ADAM18: variants seen among roughly 807,000 people sequenced by gnomAD.
ADAM18 encodes the protein ADAM metallopeptidase domain 18.
A neutral mutation model predicts 94.4 loss-of-function variants in ADAM18; 117 were observed. The ratio of observed to expected loss-of-function variants is 1.24; its 90% CI spans 1.07 to 1.45. ADAM18 has a LOEUF of 1.45. Ranked by LOEUF, ADAM18 falls within the 40% of genes most tolerant of loss-of-function variation. ADAM18 has a pLI of 0.00. For synonymous variants in ADAM18, 327 were observed against 291.6 expected (o/e 1.12, Z -1.24); for missense variants, 936 against 880.0 (o/e 1.06, Z -0.81).
intron 6 of ADAM18, among the ~76,000 whole-genome samples, chr8:39,622,049 C>T (rs766636082): frequency 6.6e-6 from 1 of 151,984 alleles, no homozygotes; most frequent in Non-Finnish European, 1.5e-5. Flanking sequence ...ATGTAACAGA[C>T]CTGCATGTCC....
chr8:39,705,457 G>T (rs1315585700), intron 17 of ADAM18, among the ~76,000 whole-genome samples: 2 of 152,100 alleles, frequency 1.3e-5, no homozygotes, highest in African/African-American at 2.4e-5. Context: ...CATAAGGCCA[G>T]ATCACTCCTG....
Position 39,605,619 on chromosome 8 carries a change from T to C in ADAM18, c.133-688T>C, listed in dbSNP as rs77040583. The C allele has an allele frequency of 1.1e-3, 184 of 161,066 alleles. 3 individuals are homozygous for C. In the East Asian group the frequency reaches 0.03, roughly 26 times the overall value. 10.0% of individuals were successfully genotyped at this position (161,066 alleles called of 1,614,324 possible). On this transcript the variant is annotated intron_variant, in intron 2 of 19. Transcript: ENST00000265707. ...ATCTTGACTAAAAATGCAAGTGTTT[T>C]TCTAAATAGAAGCAGTTAATATAGT...
At chr8:39,668,702 C>T (rs1821063021) in intron 14 of ADAM18, among the ~76,000 whole-genome samples, 1 of 151,996 alleles carries the variant, frequency 6.6e-6, no homozygotes. Context: ...AAGACTTGTG[C>T]ATATATTCTT....
intron 2 of ADAM18, among the ~76,000 whole-genome samples, chr8:39,595,296 C>T (rs1033629157): frequency 6.6e-6 from 1 of 152,062 alleles, no homozygotes; most frequent in Non-Finnish European, 1.5e-5. Context: ...CTGACTTTCA[C>T]TGCCATGGAG....
chr8:39,597,657 C>T (rs1238427023), intron 2 of ADAM18, among the ~76,000 whole-genome samples: 2 of 152,100 alleles, frequency 1.3e-5, no homozygotes, highest in African/African-American at 4.8e-5. Context: ...TTAGCCAATA[C>T]CACAATCTGC....
chr8:39,633,543 C>T (rs1224728000), intron 7 of ADAM18, among the ~76,000 whole-genome samples: 1 of 151,876 alleles, frequency 6.6e-6, no homozygotes, highest in African/African-American at 2.4e-5. Flanking sequence ...GAAGTGAGGT[C>T]CAAGGTATTG....
At chr8:39,689,086 T>C (rs1010360617) in intron 16 of ADAM18, among the ~76,000 whole-genome samples, 1 of 152,158 alleles carries the variant, frequency 6.6e-6, no homozygotes, top group Non-Finnish European at 1.5e-5. Flanking sequence ...GTTTAAGTTC[T>C]TTATAGATGC....
At chr8:39,681,396 C>T (rs1252648289) in intron 16 of ADAM18, among the ~76,000 whole-genome samples, 1 of 152,162 alleles carries the variant, frequency 6.6e-6, no homozygotes, top group Non-Finnish European at 1.5e-5. Context: ...TAACAGATAA[C>T]ACCTTGATTT....
intron 6 of ADAM18, among the ~76,000 whole-genome samples, chr8:39,621,674 C>G (rs533780127): frequency 6.6e-6 from 1 of 151,982 alleles, no homozygotes; most frequent in South Asian, 2.1e-4. Context: ...ATGGAATCAA[C>G]CTAAATGCCC....
intron 6 of ADAM18, 88 bp downstream of exon 6, chr8:39,610,794 T>C (rs1819251882): frequency 6.9e-7 from 1 of 1,445,380 alleles, no homozygotes; most frequent in Non-Finnish European, 9.2e-7. Context: ...TAGTTAGCTG[T>C]TGAGTAGGAA....
chr8:39,646,738 A>G (rs1044594167), intron 11 of ADAM18, among the ~76,000 whole-genome samples: 2 of 152,332 alleles, frequency 1.3e-5, no homozygotes, highest in South Asian at 4.1e-4. Flanking sequence ...TACTAGTGGA[A>G]ATATACATGT....
chr8:39,658,302 C>A (rs1366596367), intron 12 of ADAM18, among the ~76,000 whole-genome samples: 1 of 152,100 alleles, frequency 6.6e-6, no homozygotes, highest in South Asian at 2.1e-4. Flanking sequence ...AAAGGAACTT[C>A]GCAGGTGTGA....
rs1405980711 is a variant in ADAM18 at position 39,680,237 on chromosome 8, G to A, written c.1821+11G>A. Reference sequence around the variant, plus strand: ...TGTGGTCCAGAAATGGTAACAAAATGTGATAATTTATATTCAGCTGTGTTA... The same window carrying A: ...TGTGGTCCAGAAATGGTAACAAAATATGATAATTTATATTCAGCTGTGTTA... On this transcript the variant is annotated intron_variant, in intron 16 of 19. Transcript: ENST00000265707. 4 of 1,604,002 alleles carry A rather than the reference G, an allele frequency of 2.5e-6. No individual in the cohort carries two copies. The highest frequency in any genetic ancestry group is 3.5e-5 in the Admixed American group (2 of 57,026).
At chr8:39,638,714 A>G in intron 10 of ADAM18, among the ~76,000 whole-genome samples, 168 bp downstream of exon 10, 1 of 151,818 alleles carries the variant, frequency 6.6e-6, no homozygotes, top group African/African-American at 2.4e-5. Context: ...CAGAAAGTTT[A>G]TTTATTTATA....
chr8:39,671,400 G>A (rs184262750), intron 14 of ADAM18, among the ~76,000 whole-genome samples: 5 of 152,242 alleles, frequency 3.3e-5, no homozygotes, highest in South Asian at 4.2e-4. Flanking sequence ...TATAACAAAA[G>A]GGCATGCATT....
Position 39,695,897 on chromosome 8 carries a change from T to A in ADAM18, c.1902+3217T>A, listed in dbSNP as rs577291177. ...ATTGGTATACAAGTATCTGTTCAGG[T>A]CTCTGTTTTCATTTCAATTATTCTG... On this transcript the variant is annotated intron_variant, in intron 17 of 19. Coordinates refer to ENST00000265707, the MANE Select transcript of ADAM18 (RefSeq NM_014237.3). 1.1e-3 allele frequency among the ~76,000 whole-genome samples: 168 copies of A among 151,540 alleles called. 2 individuals are homozygous for A. The highest frequency in any genetic ancestry group is 0.011 in the South Asian group (53 of 4,826).
chr8:39,715,394 C>T (rs940289311), intron 18 of ADAM18, among the ~76,000 whole-genome samples: 7 of 151,258 alleles, frequency 4.6e-5, no homozygotes, highest in African/African-American at 1.7e-4. Context: ...TAAGCTTTCA[C>T]CTTAGCAAAC....
intron 2 of ADAM18, among the ~76,000 whole-genome samples, chr8:39,597,509 C>T (rs1471812480): frequency 6.6e-6 from 1 of 152,108 alleles, no homozygotes; most frequent in Non-Finnish European, 1.5e-5. Flanking sequence ...ATCCAGTTGT[C>T]CCAACACCAT....
chr8:39,721,272 A>T lies in ADAM18; in HGVS notation c.2018-2476A>T, dbSNP rs146979958. 9.2e-5 allele frequency among the ~76,000 whole-genome samples: 14 copies of T among 151,646 alleles called. No homozygotes were observed. In the East Asian group the frequency reaches 2.7e-3, roughly 29 times the overall value. On this transcript the variant is annotated intron_variant, in intron 18 of 19. Transcript: ENST00000265707. ...CAACATATACAAGAATTAACTCAAG[A>T]CAGGTTAACAACTTAAATGTAAGAC...
Sources: allele counts gnomAD v4.1 joint callset (sites outside exome capture counted in the v4.1 genomes callset), GRCh38; gene constraint gnomAD v4.1.1; transcripts MANE v1.5; gene names NCBI Gene and HGNC (gene_info 2026-07-23, HGNC 2026-07-21).